The following TIMP2 variants were observed in gnomAD, a reference collection of about 807,000 sequenced individuals.
TIMP2 encodes the protein TIMP metallopeptidase inhibitor 2, also known as metalloproteinase inhibitor 2.
Under a neutral mutation model 24.3 loss-of-function variants are expected in TIMP2, and 5 were observed. That is an observed-to-expected ratio of 0.21 (90% CI 0.11 to 0.43). The LOEUF (loss-of-function observed/expected upper bound fraction) is 0.43, where lower values mean the gene tolerates loss of function less well. Ranked by LOEUF, TIMP2 falls within the 20% of genes least tolerant of loss-of-function variation. The pLI is 1.00. For synonymous variants in TIMP2, 130 were observed against 123.2 expected (o/e 1.06, Z -0.37); for missense variants, 221 against 297.5 (o/e 0.74, Z 1.89).
In TIMP2 at chr17:78,892,237, G is replaced by A. The variant is rs72851220; in HGVS notation, c.131-18318C>T. 7.6e-3 allele frequency: 11,849 copies of A among 1,550,974 alleles called. 64 individuals are homozygous for A. The highest frequency in any genetic ancestry group is 8.7e-3 in the Non-Finnish European group (9,984 of 1,147,084). On this transcript the variant is annotated intron_variant, in intron 1 of 4. Transcript: ENST00000262768. ...CCGCTCTTCTCTGCAGAGCGAGATC[G>A]CCTTTGCCCCGGGCTTGTAGCAATT...
chr17:78,892,248 G>C (rs372727694), intron 1 of TIMP2: 1 of 1,550,848 alleles, frequency 6.4e-7, no homozygotes, highest in South Asian at 1.2e-5. Context: ...CCTTTGCCCC[G>C]GGCTTGTAGC....
chr17:78,876,505 G>T (rs1481397472), intron 1 of TIMP2, among the ~76,000 whole-genome samples: 1 of 151,854 alleles, frequency 6.6e-6, no homozygotes, highest in African/African-American at 2.4e-5. Context: ...GCACCACCAT[G>T]CCTGGCTAAT....
intron 1 of TIMP2, chr17:78,890,742 T>C (rs753554319): frequency 2.6e-6 from 4 of 1,550,544 alleles, no homozygotes; most frequent in Admixed American, 2.0e-5. Context: ...TCTCGGATCA[T>C]CTGACTGTGC....
intron 1 of TIMP2, among the ~76,000 whole-genome samples, chr17:78,903,806 C>T (rs573413241): frequency 4.0e-5 from 6 of 151,552 alleles, no homozygotes; most frequent in African/African-American, 1.2e-4. Flanking sequence ...GGAGTCTGGC[C>T]GGTGCAGGGG....
chr17:78,893,224 GGTGTGTGTGC>G (rs1568001028), intron 1 of TIMP2, among the ~76,000 whole-genome samples: 3 of 135,228 alleles, frequency 2.2e-5, no homozygotes, highest in African/African-American at 8.4e-5. Flanking sequence ...TGTGTGCAGG[GGTGTGTGTGC>G]ATGTGTGTGT....
intron 1 of TIMP2, among the ~76,000 whole-genome samples, chr17:78,886,981 C>A (rs2069830513): frequency 6.6e-6 from 1 of 152,208 alleles, no homozygotes; most frequent in Non-Finnish European, 1.5e-5. Context: ...TTTGGCCTCC[C>A]AGAGTGCTGG....
chr17:78,870,424 AGAAAGAAAGAAAG>A (rs2069669628), intron 3 of TIMP2, among the ~76,000 whole-genome samples: 1 of 139,916 alleles, frequency 7.1e-6, no homozygotes. Flanking sequence ...TCAAAAAAAA[AGAAAGAAAGAAAG>A]AAAGAAAGAA....
At chr17:78,917,149 G>C (rs1327041392) in intron 1 of TIMP2, among the ~76,000 whole-genome samples, 1 of 151,912 alleles carries the variant, frequency 6.6e-6, no homozygotes, top group African/African-American at 2.4e-5. Context: ...CTACTTGGGA[G>C]GCTGAGGCAG....
At chr17:78,861,787 G>A (rs1431246994) in intron 3 of TIMP2, among the ~76,000 whole-genome samples, 3 of 151,990 alleles carry the variant, frequency 2.0e-5, no homozygotes, top group Non-Finnish European at 4.4e-5. Flanking sequence ...TTTTTTAGTA[G>A]AGACACGGTT....
intron 1 of TIMP2, among the ~76,000 whole-genome samples, chr17:78,918,638 G>A (rs980091634): frequency 2.0e-5 from 3 of 152,144 alleles, no homozygotes; most frequent in Admixed American, 2.0e-4. Context: ...CACACTTTCT[G>A]TTCAGACCCA....
intron 1 of TIMP2, among the ~76,000 whole-genome samples, chr17:78,909,738 C>T (rs1377160156): frequency 6.6e-6 from 1 of 152,162 alleles, no homozygotes; most frequent in East Asian, 1.9e-4. Flanking sequence ...CGTCATGCTA[C>T]CGACACTCCA....
In TIMP2 at chr17:78,920,580, C is replaced by T. The variant is rs1377162794; in HGVS notation, c.130+4379G>A. Among the ~76,000 whole-genome samples the T allele has an allele frequency of 6.6e-6, 1 of 152,214 alleles. No homozygotes were observed. The highest frequency in any genetic ancestry group is 1.5e-5 in the Non-Finnish European group (1 of 68,040). Reference sequence around the variant, plus strand: ...GACAGATCCTGTCCCTCCAAGGACGCTGTTCAAAACCAAGCCGAAGAGCCT... The same window carrying T: ...GACAGATCCTGTCCCTCCAAGGACGTTGTTCAAAACCAAGCCGAAGAGCCT... On this transcript the variant is annotated intron_variant, in intron 1 of 4. Coordinates refer to ENST00000262768, the MANE Select transcript of TIMP2 (RefSeq NM_003255.5). This position sits in a 1 kb window ranked among gnomAD's most constrained non-coding sequence, Gnocchi z 4.5.
At chr17:78,864,688 A>T (rs1350467218) in intron 3 of TIMP2, among the ~76,000 whole-genome samples, 1 of 152,206 alleles carries the variant, frequency 6.6e-6, no homozygotes, top group African/African-American at 2.4e-5. Context: ...ATTTGAAAAC[A>T]TATATAGAAT....
chr17:78,891,875 G>C lies in TIMP2; in HGVS notation c.131-17956C>G. On this transcript the variant is annotated intron_variant, in intron 1 of 4. Transcript: ENST00000262768. This position sits in a 1 kb window ranked among gnomAD's most constrained non-coding sequence, Gnocchi z 4.5. ...GGCCAGGTGAGAATTCATCCGACCCGTGGCTTTTGTAGTCTGTGGTTTCTC... is the reference window on the plus strand; with the variant it reads ...GGCCAGGTGAGAATTCATCCGACCCCTGGCTTTTGTAGTCTGTGGTTTCTC... 1.3e-6 allele frequency: 2 copies of C among 1,550,636 alleles called. No individual in the cohort carries two copies. The highest frequency in any genetic ancestry group is 2.0e-5 in the Admixed American group (1 of 51,008).
At chr17:78,919,346 G>A (rs937017874) in intron 1 of TIMP2, among the ~76,000 whole-genome samples, 2 of 152,214 alleles carry the variant, frequency 1.3e-5, no homozygotes, top group East Asian at 1.9e-4. Context: ...GAATCCCCAG[G>A]CTCCTCTTTG....
intron 1 of TIMP2, among the ~76,000 whole-genome samples, chr17:78,909,967 C>T (rs1222114414): frequency 6.6e-6 from 1 of 152,184 alleles, no homozygotes; most frequent in Non-Finnish European, 1.5e-5. Context: ...TTAAGGAACA[C>T]ACCTGCCGTC....
Position 78,924,597 on chromosome 17 carries a change from G to GC in TIMP2, c.130+361dup, listed in dbSNP as rs565373656. Among the ~76,000 whole-genome samples the GC allele has an allele frequency of 6.6e-6, 1 of 151,878 alleles. No homozygotes were observed. Among genetic ancestry groups the GC allele is most frequent in the African/African-American group, 2.4e-5 (1 of 41,378 alleles). On this transcript the variant is annotated intron_variant, in intron 1 of 4. Transcript: ENST00000262768. This position sits in a 1 kb window ranked among gnomAD's most constrained non-coding sequence, Gnocchi z 5.3. ...TCTTCCTGGGGTCCCCAGTCCTCCAGCCCCCCGCCCCCACGCCGTGTCCCC... is the reference window on the plus strand; with the variant it reads ...TCTTCCTGGGGTCCCCAGTCCTCCAGCCCCCCCGCCCCCACGCCGTGTCCCC...
intron 1 of TIMP2, among the ~76,000 whole-genome samples, chr17:78,911,897 A>C (rs763889033): frequency 0.076 from 11,451 of 150,224 alleles, 497 homozygotes; most frequent in Middle Eastern, 0.13. Context: ...AACACACCAA[A>C]AAAAAAAAAA....
At chr17:78,892,778 A>G (rs1163439002) in intron 1 of TIMP2, among the ~76,000 whole-genome samples, 1 of 152,140 alleles carries the variant, frequency 6.6e-6, no homozygotes, top group Non-Finnish European at 1.5e-5. Flanking sequence ...AGCTGGGTGG[A>G]GGCGAGGGAG....
Sources: gnomAD v4.1 joint callset for allele counts (sites outside exome capture counted in the v4.1 genomes callset) on GRCh38, gnomAD v4.1.1 for gene constraint, Gnocchi (gnomAD v3.1) non-coding constraint, MANE v1.5 for transcripts, NCBI Gene and HGNC (gene_info 2026-07-23, HGNC 2026-07-21) for gene names.